The following INTS8 variants were observed in gnomAD, a reference collection of about 807,000 sequenced individuals.
The protein encoded by INTS8 is protein kaonashi-1.
Under a neutral mutation model 138.9 loss-of-function variants are expected in INTS8, and 47 were observed. The ratio of observed to expected loss-of-function variants is 0.34; its 90% CI spans 0.27 to 0.43. INTS8 has a LOEUF of 0.43. Ranked by LOEUF, INTS8 falls within the 20% of genes least tolerant of loss-of-function variation. INTS8 has a pLI of 1.00. For synonymous variants in INTS8, 392 were observed against 400.9 expected (o/e 0.98, Z 0.27); for missense variants, 996 against 1,173.0 (o/e 0.85, Z 2.20).
rs887215378 is a variant in INTS8 at position 94,881,338 on chromosome 8, T to A, written c.*1104T>A. ...TCAAGATAAACACAGTAACACTGGA[T>A]TAAAGGAAAAACATTGCTATGGTAT... On this transcript the variant is annotated 3_prime_UTR_variant, in exon 27 of 27. Transcript: ENST00000523731. 17 of 400,318 alleles carry A rather than the reference T, an allele frequency of 4.2e-5. No individual in the cohort carries two copies. Among genetic ancestry groups the A allele is most frequent in the Non-Finnish European group, 6.6e-5 (15 of 226,458 alleles). 24.8% of individuals were successfully genotyped at this position (400,318 alleles called of 1,614,324 possible).
intron 9 of INTS8, 69 bp from the exon 10 acceptor site, chr8:94,842,278 A>G (rs1236999829): frequency 9.8e-7 from 1 of 1,017,548 alleles, no homozygotes; most frequent in Admixed American, 2.6e-5. Context: ...TTGTGAATAT[A>G]GTTGTATAAT....
At chr8:94,839,271 C>T (rs1815049597) in intron 8 of INTS8, among the ~76,000 whole-genome samples, 1 of 152,164 alleles carries the variant, frequency 6.6e-6, no homozygotes, top group Non-Finnish European at 1.5e-5. Context: ...CGCGCCCCAC[C>T]CTCCCCACCA....
chr8:94,842,246 C>A, intron 9 of INTS8, 101 bp from the exon 10 acceptor site: 1 of 698,880 alleles, frequency 1.4e-6, no homozygotes, highest in Non-Finnish European at 2.2e-6. Flanking sequence ...AATCTTACCT[C>A]TTAAGAATAA....
chr8:94,843,730 A>G (rs1417156059), intron 10 of INTS8, among the ~76,000 whole-genome samples: 1 of 151,090 alleles, frequency 6.6e-6, no homozygotes, highest in East Asian at 1.9e-4. Flanking sequence ...TTGTACATAT[A>G]TCTAGGTGTG....
In INTS8 at chr8:94,823,338, C is replaced by G. The variant is rs1441050867; in HGVS notation, c.-94C>G. 4.6e-6 allele frequency: 7 copies of G among 1,510,284 alleles called. No individual in the cohort carries two copies. In the South Asian group the frequency reaches 6.3e-5, roughly 14 times the overall value. 93.6% of individuals were successfully genotyped at this position (1,510,284 alleles called of 1,614,324 possible). On this transcript the variant is annotated 5_prime_UTR_variant, in exon 1 of 27. Transcript: ENST00000523731. ...GGACGTTCGGAGGGTGGCCTCTCTC[C>G]CACCGGGTTCCGCATACCCCAGGCA...
chr8:94,853,612 T>A (rs905508712), intron 13 of INTS8, among the ~76,000 whole-genome samples, 193 bp from the exon 14 acceptor site: 1 of 152,200 alleles, frequency 6.6e-6, no homozygotes. Flanking sequence ...AGTCCATTAT[T>A]TATTACTTGT....
At chr8:94,860,600 A>C (rs1056998794) in intron 16 of INTS8, among the ~76,000 whole-genome samples, 8 of 149,746 alleles carry the variant, frequency 5.3e-5, no homozygotes, top group East Asian at 3.9e-4. Flanking sequence ...AAAAAAAAAA[A>C]AAAACCCAAA....
At position 94,829,003 on chromosome 8, in the gene INTS8, C is replaced by T; in HGVS notation, c.547C>T (p.Leu183=). 3.1e-6 allele frequency: 5 copies of T among 1,599,130 alleles called. No homozygotes were observed. The highest frequency in any genetic ancestry group is 4.3e-6 in the Non-Finnish European group (5 of 1,172,134). ...VMNQMQQEKE[L]TENILKVLKE... is the part of the protein sequence containing the mutation. ...GAATCAAATGCAACAGGAAAAAGAG[C>T]TAACAGAAAACATTTTGAAAGTGGT... Residue 183 remains leucine (L), a synonymous_variant, in exon 5 of 27, where the codon CTA becomes TTA. Coordinates refer to ENST00000523731, the MANE Select transcript of INTS8 (RefSeq NM_017864.4).
intron 1 of INTS8, among the ~76,000 whole-genome samples, chr8:94,824,539 A>G (rs1814408533): frequency 6.6e-6 from 1 of 152,032 alleles, no homozygotes; most frequent in Non-Finnish European, 1.5e-5. Flanking sequence ...TAATAGTTCT[A>G]ATATTTATAT....
At chr8:94,858,440 T>C (rs550701672) in intron 15 of INTS8, among the ~76,000 whole-genome samples, 7 of 152,374 alleles carry the variant, frequency 4.6e-5, no homozygotes, top group African/African-American at 1.7e-4. Flanking sequence ...TCTAATAATA[T>C]GCTGGCACTA....
In INTS8 at chr8:94,832,116, G is replaced by A. The variant is rs1380361301; in HGVS notation, c.695G>A (p.Gly232Glu). 4.3e-6 allele frequency: 7 copies of A among 1,613,752 alleles called. No homozygotes were observed. Among genetic ancestry groups the A allele is most frequent in the African/African-American group, 1.3e-5 (1 of 74,910 alleles). Residue 232 changes from glycine to glutamate, a missense_variant, in exon 6 of 27, where the codon GGA (glycine) becomes GAA (glutamate). Physicochemically the swap from Gly to Glu is moderately conservative, Grantham distance 98. Transcript: ENST00000523731. Reference protein sequence around the residue: ...LLAMEPGMVNGETESSTAGLK... With the variant: ...LLAMEPGMVNEETESSTAGLK... Reference sequence around the variant, plus strand: ...GCCATGGAACCAGGCATGGTAAATGGAGAAACTGAGAGTTCTACTGCTGGA... The same window carrying A: ...GCCATGGAACCAGGCATGGTAAATGAAGAAACTGAGAGTTCTACTGCTGGA...
intron 21 of INTS8, among the ~76,000 whole-genome samples, chr8:94,872,513 C>T (rs1034127930): frequency 6.6e-6 from 1 of 152,174 alleles, no homozygotes; most frequent in African/African-American, 2.4e-5. Flanking sequence ...GGATTACAGG[C>T]GTGAGCCCCT....
At chr8:94,869,069 G>A (rs1447964697) in intron 20 of INTS8, among the ~76,000 whole-genome samples, 1 of 147,832 alleles carries the variant, frequency 6.8e-6, no homozygotes, top group African/African-American at 2.5e-5. Flanking sequence ...CACAACCTCT[G>A]CCTCCCTGGT....
At chr8:94,832,228 T>G in intron 6 of INTS8, 54 bp downstream of exon 6, 1 of 1,273,174 alleles carries the variant, frequency 7.9e-7, no homozygotes, top group Non-Finnish European at 1.1e-6. Flanking sequence ...AATCTTAATA[T>G]GAGATCATCC....
At chr8:94,842,303 T>A (rs746255183) in intron 9 of INTS8, 44 bp from the exon 10 acceptor site, 1 of 1,333,966 alleles carries the variant, frequency 7.5e-7, no homozygotes, top group South Asian at 1.4e-5. Flanking sequence ...ACCTTTCTTT[T>A]GTAGTAAAAA....
intron 16 of INTS8, among the ~76,000 whole-genome samples, chr8:94,864,178 T>TATTTTTCTGTTTGAA (rs1220940893): frequency 2.0e-5 from 3 of 152,198 alleles, no homozygotes; most frequent in African/African-American, 7.2e-5. Flanking sequence ...CTTTTTTTTT[T>TATTTTTCTGTTTGAA]ATTTTTCTGT....
At position 94,826,584 on chromosome 8, in the gene INTS8, C is replaced by CT. The variant is rs1215055276; in HGVS notation, c.306-678dup. On this transcript the variant is annotated intron_variant, in intron 2 of 26. Transcript: ENST00000523731. ...ATAGGCTGTTTGACAGTAAGCAAGT[C>CT]TAAGTTTTTTAGATGTGAAATTAAT... Among the ~76,000 whole-genome samples the CT allele has an allele frequency of 4.6e-5, 7 of 152,070 alleles. No individual in the cohort carries two copies. The South Asian group carries it at 8.3e-4, about 18-fold the overall frequency.
intron 15 of INTS8, among the ~76,000 whole-genome samples, chr8:94,858,072 T>C (rs1815818439): frequency 6.6e-6 from 1 of 152,262 alleles, no homozygotes; most frequent in Admixed American, 6.5e-5. Flanking sequence ...AATGTCTTAC[T>C]ATGAAAAGGG....
In INTS8 at chr8:94,823,486, C is replaced by G. The variant is rs1156507160; in HGVS notation, c.55C>G (p.Pro19Ala). 1.3e-6 allele frequency: 2 copies of G among 1,553,716 alleles called. No individual in the cohort carries two copies. The highest frequency in any genetic ancestry group is 2.4e-5 in the East Asian group (1 of 41,372). ...EAATSSRPCT[P>A]PQTCWFEFLL... ...GGCCACCTCCAGCCGGCCCTGCACC[C>G]CGCCGCAGACCTGCTGGTTTGAGTT... The change falls in exon 1 of 27, where the codon CCG (proline) becomes GCG (alanine). Residue 19 changes from proline (P) to alanine (A), a missense_variant. Pro to Ala is a conservative substitution (Grantham distance 27). Coordinates refer to ENST00000523731, the MANE Select transcript of INTS8 (RefSeq NM_017864.4).
Sources: allele counts gnomAD v4.1 joint callset (sites outside exome capture counted in the v4.1 genomes callset), GRCh38; gene constraint gnomAD v4.1.1; transcripts MANE v1.5; gene names NCBI Gene and HGNC (gene_info 2026-07-23, HGNC 2026-07-21).